Variants in SLCO5A1 observed in about 807,000 individuals in gnomAD.
The protein encoded by SLCO5A1 is organic anion transporter polypeptide-related protein 4.
A neutral mutation model predicts 65.1 loss-of-function variants in SLCO5A1; 39 were observed. The ratio of observed to expected loss-of-function variants is 0.60; its 90% CI spans 0.46 to 0.78. The LOEUF (loss-of-function observed/expected upper bound fraction) is 0.78. Ranked by LOEUF, SLCO5A1 falls within the 30% of genes least tolerant of loss-of-function variation. The pLI, the probability that SLCO5A1 is intolerant of heterozygous loss-of-function variation, is 0.00. For synonymous variants in SLCO5A1, 438 were observed against 415.7 expected (o/e 1.05, Z -0.65); for missense variants, 1,029 against 1,069.4 (o/e 0.96, Z 0.53).
intron 2 of SLCO5A1, among the ~76,000 whole-genome samples, chr8:69,800,471 C>A (rs1819685963): frequency 6.6e-6 from 1 of 152,016 alleles, no homozygotes; most frequent in African/African-American, 2.4e-5. Flanking sequence ...ATTCTTTAGC[C>A]AAGTCTCTAA....
rs192452408 is a variant in SLCO5A1 at position 69,673,165 on chromosome 8, T to C, written c.2251A>G (p.Ile751Val). ...LAAGLKFVGF[I>V]FIFLAWYSIK... is the part of the protein sequence containing the mutation. ...GAGTACCAGGCCAGAAAAATAAAAA[T>C]AAACCCAACGAATTTGAGGCCGGCA... is the stretch of plus-strand genomic sequence containing the variant. Residue 751 changes from isoleucine to valine, a missense_variant, in exon 10 of 10, where the codon ATT (isoleucine) becomes GTT (valine). By Grantham distance (29) the Ile-to-Val change is conservative (BLOSUM62 3). Transcript: ENST00000260126. 138 of 1,614,124 alleles carry C rather than the reference T, an allele frequency of 8.5e-5. 1 individual carries two copies. In the East Asian group the frequency reaches 2.1e-3, roughly 25 times the overall value.
chr8:69,694,030 T>G (rs775416187), intron 6 of SLCO5A1, among the ~76,000 whole-genome samples: 12 of 152,258 alleles, frequency 7.9e-5, no homozygotes, highest in Non-Finnish European at 1.8e-4. Flanking sequence ...ATGCACAGCA[T>G]GTAGCACGAT....
chr8:69,702,874 G>C (rs1037584392), intron 6 of SLCO5A1, among the ~76,000 whole-genome samples: 1 of 152,042 alleles, frequency 6.6e-6, no homozygotes, highest in African/African-American at 2.4e-5. Flanking sequence ...TTTGGGAAGT[G>C]GGGGCAGGAG....
chr8:69,734,749 GA>G lies in SLCO5A1; in HGVS notation c.1423+3290del, dbSNP rs34095380. ...ATGTATCTAAATAATTTTTTTAAGT[GA>G]AAAGAGAATTTGAACTCAAAAACTT... On this transcript the variant is annotated intron_variant, in intron 5 of 9. Transcript: ENST00000260126. 2.6e-3 allele frequency among the ~76,000 whole-genome samples: 396 copies of G among 152,246 alleles called. 1 individual carries two copies. The highest frequency in any genetic ancestry group is 8.4e-3 in the Admixed American group (129 of 15,296).
chr8:69,678,658 C>CA (rs1223560881), intron 8 of SLCO5A1, among the ~76,000 whole-genome samples: 2 of 151,824 alleles, frequency 1.3e-5, no homozygotes, highest in African/African-American at 2.4e-5. Context: ...TATTGCAGTG[C>CA]AAAAAAATAG....
intron 5 of SLCO5A1, among the ~76,000 whole-genome samples, chr8:69,724,008 G>A (rs1815955152): frequency 6.6e-6 from 1 of 152,096 alleles, no homozygotes; most frequent in Admixed American, 6.5e-5. Context: ...CCTGACTTCA[G>A]GTGATTTGCC....
chr8:69,771,543 TTTTTTAGTC>T (rs1818323338), intron 2 of SLCO5A1, among the ~76,000 whole-genome samples: 1 of 152,216 alleles, frequency 6.6e-6, no homozygotes, highest in Non-Finnish European at 1.5e-5. Context: ...TTTTCTTTCC[TTTTTTAGTC>T]TTCTTACATG....
At chr8:69,784,478 G>A (rs1238676186) in intron 2 of SLCO5A1, among the ~76,000 whole-genome samples, 1 of 152,098 alleles carries the variant, frequency 6.6e-6, no homozygotes, top group Admixed American at 6.6e-5. Context: ...AAAATAGTTT[G>A]GTAGTTTCTT....
chr8:69,809,732 T>G (rs910631873), intron 2 of SLCO5A1, among the ~76,000 whole-genome samples: 14 of 147,026 alleles, frequency 9.5e-5, no homozygotes, highest in Non-Finnish European at 1.9e-4. Flanking sequence ...CTAAGGAGTG[T>G]GGTGTGTGTG....
chr8:69,806,800 G>GA (rs1820010474), intron 2 of SLCO5A1, among the ~76,000 whole-genome samples: 1 of 152,210 alleles, frequency 6.6e-6, no homozygotes, highest in South Asian at 2.1e-4. Flanking sequence ...AGAAGCATAA[G>GA]ACCTCGGGAG....
intron 5 of SLCO5A1, among the ~76,000 whole-genome samples, chr8:69,728,906 T>C (rs1211925847): frequency 1.3e-5 from 2 of 152,116 alleles, no homozygotes; most frequent in Non-Finnish European, 2.9e-5. Context: ...CTTGTAGCAA[T>C]GAGCAATGGG....
At chr8:69,763,679 A>G (rs992511965) in intron 2 of SLCO5A1, among the ~76,000 whole-genome samples, 2 of 145,892 alleles carry the variant, frequency 1.4e-5, no homozygotes, top group Non-Finnish European at 3.0e-5. Context: ...CAACAAATTC[A>G]TTAGCATTCC....
chr8:69,725,529 T>C (rs929402969), intron 5 of SLCO5A1, among the ~76,000 whole-genome samples: 2 of 152,120 alleles, frequency 1.3e-5, no homozygotes, highest in African/African-American at 4.8e-5. Flanking sequence ...GGAAAAGGTA[T>C]AGATCCAAAG....
chr8:69,726,030 G>C (rs956920607), intron 5 of SLCO5A1, among the ~76,000 whole-genome samples: 3 of 152,212 alleles, frequency 2.0e-5, no homozygotes, highest in African/African-American at 7.2e-5. Context: ...AATGTCCTCA[G>C]AGCCCAGAAT....
intron 2 of SLCO5A1, among the ~76,000 whole-genome samples, chr8:69,803,711 G>C (rs1439947657): frequency 6.6e-6 from 1 of 152,064 alleles, no homozygotes; most frequent in Non-Finnish European, 1.5e-5. Flanking sequence ...GTGTATGGCT[G>C]GGTGTGGTGC....
chr8:69,704,712 A>C (rs181823846), intron 6 of SLCO5A1, among the ~76,000 whole-genome samples: 1 of 152,344 alleles, frequency 6.6e-6, no homozygotes, highest in Non-Finnish European at 1.5e-5. Context: ...TGAGCTACAG[A>C]AACACATATT....
chr8:69,684,228 A>G (rs1299707389), intron 6 of SLCO5A1, among the ~76,000 whole-genome samples: 1 of 152,166 alleles, frequency 6.6e-6, no homozygotes, highest in Admixed American at 6.5e-5. Context: ...CACTGGGTCA[A>G]TTTTGCCCCC....
At chr8:69,736,695 A>G (rs1816576163) in intron 5 of SLCO5A1, among the ~76,000 whole-genome samples, 1 of 152,266 alleles carries the variant, frequency 6.6e-6, no homozygotes, top group Non-Finnish European at 1.5e-5. Flanking sequence ...AAGGGCCTGC[A>G]GTAAAGAATC....
At chr8:69,683,723 C>G (rs376583926) in intron 6 of SLCO5A1, among the ~76,000 whole-genome samples, 1 of 152,006 alleles carries the variant, frequency 6.6e-6, no homozygotes, top group South Asian at 2.1e-4. Context: ...CCACCATGCC[C>G]GGCTAATTTT....
Sources: allele counts gnomAD v4.1 joint callset (sites outside exome capture counted in the v4.1 genomes callset), GRCh38; gene constraint gnomAD v4.1.1; transcripts MANE v1.5; gene names NCBI Gene and HGNC (gene_info 2026-07-23, HGNC 2026-07-21).